The following GRID2 variants were observed in gnomAD, a reference collection of about 807,000 sequenced individuals.
The protein encoded by GRID2 is glutamate receptor ionotropic, delta-2.
GRID2 carries 33 observed loss-of-function variants against 114.8 expected under a neutral mutation model. The ratio of observed to expected loss-of-function variants is 0.29; its 90% CI spans 0.22 to 0.38. The LOEUF (loss-of-function observed/expected upper bound fraction) is 0.38. Ranked by LOEUF, GRID2 falls within the 10% of genes least tolerant of loss-of-function variation. The pLI is 1.00. For synonymous variants in GRID2, 505 were observed against 449.9 expected, an observed-to-expected ratio of 1.12 and a Z score of -1.55; for missense variants, 1,184 against 1,257.7, an observed-to-expected ratio of 0.94 and a Z score of 0.89.
At chr4:92,719,564 T>C (rs1252234521) in intron 2 of GRID2, among the ~76,000 whole-genome samples, 1 of 152,076 alleles carries the variant, frequency 6.6e-6, no homozygotes, top group Non-Finnish European at 1.5e-5. Flanking sequence ...GAACAGAAAG[T>C]TGACAAATGC....
chr4:93,292,555 C>G (rs1236340830), intron 8 of GRID2, among the ~76,000 whole-genome samples: 1 of 152,138 alleles, frequency 6.6e-6, no homozygotes, highest in Non-Finnish European at 1.5e-5. Flanking sequence ...AATTTTTGAA[C>G]TCATATAAAT....
chr4:92,939,282 T>C (rs1750910238), intron 2 of GRID2, among the ~76,000 whole-genome samples: 1 of 147,594 alleles, frequency 6.8e-6, no homozygotes, highest in South Asian at 2.3e-4. Flanking sequence ...TGATATCTCA[T>C]TGTGGTTTTG....
At chr4:93,171,051 A>C (rs1738766779) in intron 4 of GRID2, among the ~76,000 whole-genome samples, 1 of 152,128 alleles carries the variant, frequency 6.6e-6, no homozygotes, top group Non-Finnish European at 1.5e-5. Flanking sequence ...AAAAAGTAGA[A>C]TCATCTTTTA....
intron 2 of GRID2, among the ~76,000 whole-genome samples, chr4:92,932,840 G>A (rs1418828723): frequency 6.6e-6 from 1 of 151,256 alleles, no homozygotes; most frequent in African/African-American, 2.4e-5. Context: ...GGTATATTCT[G>A]TATGTATGTG....
chr4:93,669,972 C>T (rs928938689), intron 14 of GRID2, among the ~76,000 whole-genome samples: 1 of 152,018 alleles, frequency 6.6e-6, no homozygotes, highest in Admixed American at 6.6e-5. Context: ...CTTGAAATAC[C>T]TAACTTCTAA....
At chr4:93,364,221 T>G (rs551738318) in intron 8 of GRID2, among the ~76,000 whole-genome samples, 1 of 152,230 alleles carries the variant, frequency 6.6e-6, no homozygotes, top group African/African-American at 2.4e-5. Flanking sequence ...TTTTTATTTG[T>G]TTGTAGGTAA....
chr4:93,632,522 G>A (rs1032216056), intron 14 of GRID2, among the ~76,000 whole-genome samples: 1 of 152,100 alleles, frequency 6.6e-6, no homozygotes, highest in African/African-American at 2.4e-5. Flanking sequence ...AGATCAGCTG[G>A]TTGTAGATGT....
At chr4:92,472,587 C>A (rs1277588921) in intron 1 of GRID2, among the ~76,000 whole-genome samples, 1 of 152,130 alleles carries the variant, frequency 6.6e-6, no homozygotes, top group Non-Finnish European at 1.5e-5. Context: ...TTCATCAATA[C>A]TGGTGTGGTT....
At chr4:92,607,219 G>A (rs988981933) in intron 2 of GRID2, among the ~76,000 whole-genome samples, 1 of 151,976 alleles carries the variant, frequency 6.6e-6, no homozygotes, top group African/African-American at 2.4e-5. Context: ...ATAAGTGGGT[G>A]AAGGAAACAT....
chr4:93,535,227 CACAT>C (rs1414481614), intron 13 of GRID2, among the ~76,000 whole-genome samples: 49 of 103,116 alleles, frequency 4.8e-4, no homozygotes, highest in African/African-American at 2.0e-3. Context: ...CACACACATA[CACAT>C]ACACACACAC....
chr4:92,801,401 C>T (rs1740161866), intron 2 of GRID2, among the ~76,000 whole-genome samples: 1 of 151,902 alleles, frequency 6.6e-6, no homozygotes. Flanking sequence ...AACCTCTGAG[C>T]AAAAACCCTT....
chr4:92,512,490 T>C (rs1724303054), intron 1 of GRID2, among the ~76,000 whole-genome samples: 1 of 151,852 alleles, frequency 6.6e-6, no homozygotes, highest in African/African-American at 2.4e-5. Flanking sequence ...GATGAATTAT[T>C]TGTCACTATG....
chr4:93,177,329 T>C (rs576356783), intron 4 of GRID2, among the ~76,000 whole-genome samples: 1 of 152,264 alleles, frequency 6.6e-6, no homozygotes, highest in African/African-American at 2.4e-5. Flanking sequence ...ATAGCTAATA[T>C]TTATTGACCG....
intron 2 of GRID2, among the ~76,000 whole-genome samples, chr4:92,803,109 A>G (rs1740252412): frequency 6.6e-6 from 1 of 151,924 alleles, no homozygotes; most frequent in African/African-American, 2.4e-5. Flanking sequence ...AGGGATGTTC[A>G]CAATCTTTTG....
chr4:93,473,898 T>C (rs1411020551), intron 11 of GRID2, among the ~76,000 whole-genome samples: 1 of 152,046 alleles, frequency 6.6e-6, no homozygotes, highest in Admixed American at 6.6e-5. Flanking sequence ...CAAATACATA[T>C]TTTTTTCTAT....
chr4:92,306,720 A>G (rs1725426546), intron 1 of GRID2, among the ~76,000 whole-genome samples: 1 of 152,244 alleles, frequency 6.6e-6, no homozygotes, highest in Non-Finnish European at 1.5e-5. Flanking sequence ...TCTGTTTCAA[A>G]ATAGAACAAA....
At chr4:93,103,849 T>TG (rs796118523) in intron 3 of GRID2, among the ~76,000 whole-genome samples, 75 of 151,760 alleles carry the variant, frequency 4.9e-4, no homozygotes, top group Middle Eastern at 3.4e-3. Context: ...TGTTTTTTTT[T>TG]TTTGTTTGTT....
At chr4:93,004,755 A>G (rs1176470726) in intron 2 of GRID2, among the ~76,000 whole-genome samples, 1 of 152,000 alleles carries the variant, frequency 6.6e-6, no homozygotes, top group Non-Finnish European at 1.5e-5. Context: ...AGCCAACTCT[A>G]GTCCACTGAA....
At chr4:93,626,460 A>T in intron 14 of GRID2, 25 bp downstream of exon 14, 1 of 1,481,762 alleles carries the variant, frequency 6.7e-7, no homozygotes, top group Non-Finnish European at 9.3e-7. Flanking sequence ...TGACCAAATA[A>T]GGGGAGAGAT....
Sources: gnomAD v4.1 joint callset for allele counts (sites outside exome capture counted in the v4.1 genomes callset) on GRCh38, gnomAD v4.1.1 for gene constraint, MANE v1.5 for transcripts, NCBI Gene and HGNC (gene_info 2026-07-23, HGNC 2026-07-21) for gene names.